The following PSG8 variants were observed in gnomAD, a reference collection of about 807,000 sequenced individuals.
PSG8 encodes the protein pregnancy specific beta-1-glycoprotein 8, also known as pregnancy-specific beta-1-glycoprotein 8.
A neutral mutation model predicts 42.5 loss-of-function variants in PSG8; 57 were observed. The ratio of observed to expected loss-of-function variants is 1.34; its 90% confidence interval spans 1.08 to 1.67. The LOEUF is 1.67. PSG8 is among the 40% of genes most tolerant of loss of function. PSG8 has a pLI of 0.00. For missense variants in PSG8, 783 were observed against 518.6 expected (o/e 1.51, Z -4.95); for synonymous variants, 280 against 196.8 (o/e 1.42, Z -3.54).
Position 42,765,577 on chromosome 19 carries a change from C to T in PSG8, c.5G>A (p.Gly2Glu), listed in dbSNP as rs1438136880. Reference protein sequence around the residue: MGLLSAPPCTQR... With the variant: MELLSAPPCTQR... Reference sequence around the variant, plus strand: ...TGTGCAGGGAGGGGCTGAGAGGAGCCCCATGGTCTCTGCTGTCTGTGTGTT... The same window carrying T: ...TGTGCAGGGAGGGGCTGAGAGGAGCTCCATGGTCTCTGCTGTCTGTGTGTT... The change falls in exon 1 of 5, where the codon GGG (glycine) becomes GAG (glutamate). Residue 2 changes from glycine to glutamate, a missense_variant. By Grantham distance (98) the Gly-to-Glu change is moderately conservative (BLOSUM62 -2). Coordinates refer to ENST00000306511, the MANE Select transcript of PSG8 (RefSeq NM_182707.3). 8 of 1,610,738 alleles carry T rather than the reference C, an allele frequency of 5.0e-6. No homozygotes were observed. The African/African-American group carries it at 8.0e-5, about 16-fold the overall frequency.
chr19:42,758,974 A>T (rs1228154015), intron 2 of PSG8: 1 of 153,354 alleles, frequency 6.5e-6, no homozygotes. Flanking sequence ...GCAAGAACTG[A>T]TAGCTTTGGA....
intron 2 of PSG8, among the ~76,000 whole-genome samples, chr19:42,762,389 G>A (rs1328929029): frequency 6.6e-6 from 1 of 152,190 alleles, no homozygotes; most frequent in East Asian, 1.9e-4. Flanking sequence ...ATGAGCTGGG[G>A]TGGCTTTAGG....
At chr19:42,765,042 A>G (rs1429274043) in intron 1 of PSG8, among the ~76,000 whole-genome samples, 2 of 147,066 alleles carry the variant, frequency 1.4e-5, no homozygotes, top group African/African-American at 2.7e-5. Context: ...AGATTTTCCT[A>G]CCTCTTACCA....
At chr19:42,760,468 G>C (rs2122263606) in intron 2 of PSG8, among the ~76,000 whole-genome samples, 1 of 152,174 alleles carries the variant, frequency 6.6e-6, no homozygotes. Flanking sequence ...CACTCTTTTT[G>C]AACTTTCCTG....
chr19:42,761,741 A>C (rs897476416), intron 2 of PSG8, among the ~76,000 whole-genome samples: 11 of 152,082 alleles, frequency 7.2e-5, no homozygotes, highest in African/African-American at 2.7e-4. Flanking sequence ...TGATTTGAGT[A>C]ATAATAAACC....
At chr19:42,757,168 T>C (rs1026404992) in intron 3 of PSG8, among the ~76,000 whole-genome samples, 6 of 152,062 alleles carry the variant, frequency 3.9e-5, no homozygotes, top group African/African-American at 1.4e-4. Flanking sequence ...TAAAGAATGA[T>C]CTAGAAAGAG....
At position 42,762,374 on chromosome 19, in the gene PSG8, A is replaced by G. The variant is rs781381398; in HGVS notation, c.430+1542T>C. Among the ~76,000 whole-genome samples the G allele has an allele frequency of 1.4e-3, 212 of 152,118 alleles. 1 individual carries two copies. The highest frequency in any genetic ancestry group is 3.2e-3 in the African/African-American group (132 of 41,484). On this transcript the variant is annotated intron_variant, in intron 2 of 4. Transcript: ENST00000306511. ...CCTCCAGTGGCCAAAGAGCTTCAGAATTACATGAGCTGGGGTGGCTTTAGG... is the reference window on the plus strand; with the variant it reads ...CCTCCAGTGGCCAAAGAGCTTCAGAGTTACATGAGCTGGGGTGGCTTTAGG...
chr19:42,765,412 A>T, intron 1 of PSG8, 106 bp downstream of exon 1: 4 of 1,538,170 alleles, frequency 2.6e-6, no homozygotes, highest in Non-Finnish European at 1.8e-6. Context: ...TCAGCCTCCC[A>T]AAGTGCTGGC....
chr19:42,763,105 G>A (rs1394672037), intron 2 of PSG8, among the ~76,000 whole-genome samples: 8 of 152,152 alleles, frequency 5.3e-5, no homozygotes, highest in Admixed American at 5.2e-4. Flanking sequence ...CTAATGCTTG[G>A]CACAGTGGAG....
In PSG8 at chr19:42,765,397, C is replaced by T. The variant is rs1372500292; in HGVS notation, c.64+121G>A. ...TTGAACTCCTGATCTCATGATCCACCTGCCTCAGCCTCCCAAAGTGCTGGC... is the reference window on the plus strand; with the variant it reads ...TTGAACTCCTGATCTCATGATCCACTTGCCTCAGCCTCCCAAAGTGCTGGC... On this transcript the variant is annotated intron_variant, in intron 1 of 4. Coordinates refer to ENST00000306511, the MANE Select transcript of PSG8 (RefSeq NM_182707.3). 11 of 1,471,162 alleles carry T rather than the reference C, an allele frequency of 7.5e-6. No homozygotes were observed. In the Admixed American group the frequency reaches 1.1e-4, roughly 15 times the overall value. The allele number at this position is 1,471,162 out of a possible 1,614,324, so 91.1% of individuals were successfully genotyped here. A position where few individuals can be genotyped will look rare whatever the true frequency, so the allele number is the denominator to read the frequency against.
intron 2 of PSG8, 127 bp from the exon 3 acceptor site, chr19:42,758,407 G>T (rs552402244): frequency 4.6e-6 from 7 of 1,518,148 alleles, no homozygotes; most frequent in Non-Finnish European, 6.2e-6. Context: ...CATGGCAGGT[G>T]TGTGTGTTGC....
chr19:42,755,421 A>G (rs752150114), intron 3 of PSG8, 155 bp from the exon 4 acceptor site: 1 of 1,408,776 alleles, frequency 7.1e-7, no homozygotes, highest in East Asian at 2.3e-5. Context: ...ATGCATGATG[A>G]TCTAAGGGCT....
intron 1 of PSG8, among the ~76,000 whole-genome samples, 166 bp from the exon 2 acceptor site, chr19:42,764,447 G>T (rs1030320985): frequency 6.6e-6 from 1 of 151,876 alleles, no homozygotes; most frequent in African/African-American, 2.4e-5. Context: ...ATGTGTGTCT[G>T]TGTGTGTGTA....
At chr19:42,754,220 G>T (rs1969850717), downstream of PSG8, 17 of 1,578,964 alleles carry the variant, frequency 1.1e-5, no homozygotes, top group Non-Finnish European at 1.5e-5. Flanking sequence ...TTTGGGATTT[G>T]CTTGTGCCCA....
chr19:42,755,268 T>C lies in PSG8; in HGVS notation c.710-2A>G. 1.2e-6 allele frequency: 2 copies of C among 1,612,038 alleles called. No homozygotes were observed. Among genetic ancestry groups the C allele is most frequent in the Non-Finnish European group, 8.5e-7 (1 of 1,179,618 alleles). On this transcript the variant is annotated splice_acceptor_variant, in intron 3 of 4. Coordinates refer to ENST00000306511, the MANE Select transcript of PSG8 (RefSeq NM_182707.3). LOFTEE classifies it high-confidence loss of function. ...TGATGTAGGGCTTGGGCAGCTTCGC[T>C]GTGTGGATAACAGAGAGAAGATTGT...
At chr19:42,763,153 A>G (rs936947380) in intron 2 of PSG8, among the ~76,000 whole-genome samples, 1 of 152,170 alleles carries the variant, frequency 6.6e-6, no homozygotes, top group Non-Finnish European at 1.5e-5. Context: ...ATTTGCTTCC[A>G]TGAGAAAGCC....
Position 42,755,274 on chromosome 19 carries a change from G to T in PSG8, c.710-8C>A. ...AGGGCTTGGGCAGCTTCGCTGTGTG[G>T]ATAACAGAGAGAAGATTGTCCTGTG... On this transcript the variant is annotated splice_region_variant and splice_polypyrimidine_tract_variant and intron_variant, in intron 3 of 4. Coordinates refer to ENST00000306511, the MANE Select transcript of PSG8 (RefSeq NM_182707.3). The T allele has an allele frequency of 8.1e-6, 13 of 1,610,744 alleles. No homozygotes were observed. The highest frequency in any genetic ancestry group is 1.1e-5 in the Non-Finnish European group (13 of 1,179,006).
downstream of PSG8, chr19:42,753,153 G>A (rs570208587): frequency 3.6e-4 from 250 of 701,248 alleles, no homozygotes; most frequent in East Asian, 6.5e-3. Context: ...TCATCCACTT[G>A]TTGTCCTGGT....
rs1466865677 is a variant in PSG8 at position 42,763,916 on chromosome 19, G to A, written c.430C>T (p.Leu144=). ...CCAGGGATCATGTGGAATCACTCACGATATAAGGTGAAGGTGAAATGTCCA... is the reference window on the plus strand; with the variant it reads ...CCAGGGATCATGTGGAATCACTCACAATATAAGGTGAAGGTGAAATGTCCA... ...VTGHFTFTLY[L]ETPKPSISSS... is the part of the protein sequence containing the mutation. The change falls in exon 2 of 5, where the codon CTG becomes TTG. Residue 144 remains leucine, a splice_region_variant and synonymous_variant. Transcript: ENST00000306511. 7 of 1,613,542 alleles carry A rather than the reference G, an allele frequency of 4.3e-6. No individual in the cohort carries two copies. The highest frequency in any genetic ancestry group is 2.2e-5 in the South Asian group (2 of 91,042).
Sources: allele counts gnomAD v4.1 joint callset (sites outside exome capture counted in the v4.1 genomes callset), GRCh38; gene constraint gnomAD v4.1.1; transcripts MANE v1.5; gene names NCBI Gene and HGNC (gene_info 2026-07-23, HGNC 2026-07-21).